Variants in JPH2 observed in about 807,000 individuals in gnomAD.
JPH2 encodes junctophilin-2.
Under a neutral mutation model 55.9 loss-of-function variants are expected in JPH2, and 38 were observed. The observed-to-expected ratio is 0.68, with a 90% CI of 0.52 to 0.89. JPH2 has a LOEUF of 0.89. JPH2 is among the 40% of genes least tolerant of loss of function. The pLI is 0.00. For missense variants in JPH2, 964 were observed against 1,037.6 expected, an observed-to-expected ratio of 0.93 and a Z score of 0.97; for synonymous variants, 480 against 472.4, an observed-to-expected ratio of 1.02 and a Z score of -0.21.
rs1309917340 is a variant in JPH2, at chr20:44,171,305, G to A, written c.380-10898C>T. The stretch of plus-strand genomic sequence containing the variant: ...ATTTAAGCTGGTATAGCCCTTCAGC[G>A]TTGCCCAAAATCAAAGCAAGGGGGC... On this transcript the variant is annotated intron_variant, in intron 1 of 5. Transcript: ENST00000372980. Among the ~76,000 whole-genome samples the A allele has an allele frequency of 1.2e-4, 18 of 152,246 alleles. 1 individual carries two copies. The South Asian group carries it at 2.3e-3, about 19-fold the overall frequency.
intron 2 of JPH2, among the ~76,000 whole-genome samples, chr20:44,121,449 T>A (rs1052173600): frequency 2.6e-5 from 4 of 152,108 alleles, no homozygotes; most frequent in African/African-American, 9.7e-5. Flanking sequence ...CTTTTATCCC[T>A]TACAAACCTC....
chr20:44,171,266 CT>C (rs1458208729), intron 1 of JPH2, among the ~76,000 whole-genome samples: 1 of 152,220 alleles, frequency 6.6e-6, no homozygotes, highest in Non-Finnish European at 1.5e-5. Context: ...GAATATTCAA[CT>C]GATCCCAGGG....
At chr20:44,156,236 G>A (rs1047690582) in intron 2 of JPH2, among the ~76,000 whole-genome samples, 2 of 152,326 alleles carry the variant, frequency 1.3e-5, no homozygotes, top group African/African-American at 2.4e-5. Flanking sequence ...CGTGTGCCAT[G>A]TTGGTCTTGA....
intron 2 of JPH2, among the ~76,000 whole-genome samples, chr20:44,146,427 G>T (rs1224110825): frequency 2.6e-5 from 4 of 152,104 alleles, no homozygotes; most frequent in African/African-American, 7.2e-5. Flanking sequence ...AGTCACAGCT[G>T]CCTCATGTAT....
rs193075270 is a variant in JPH2 at position 44,131,855 on chromosome 20, G to A, written c.1170-13232C>T. On this transcript the variant is annotated intron_variant, in intron 2 of 5. Transcript: ENST00000372980. ...TCCCAAATGACTTCTGGAAACTTTT[G>A]TCCCCAGACCCATCATTCACTTCTT... 2.0e-5 allele frequency among the ~76,000 whole-genome samples: 3 copies of A among 152,182 alleles called. No homozygotes were observed. The East Asian group carries it at 5.8e-4, about 29-fold the overall frequency.
intron 1 of JPH2, among the ~76,000 whole-genome samples, chr20:44,169,495 AG>A (rs1236671109): frequency 1.3e-5 from 2 of 152,178 alleles, no homozygotes; most frequent in Non-Finnish European, 2.9e-5. Context: ...ATTCTTTTAC[AG>A]CAACACAAAA....
rs895787695 is a variant in JPH2 at position 44,107,811 on chromosome 20, A to G, written c.*5707T>C. On this transcript the variant is annotated 3_prime_UTR_variant, in exon 6 of 6. Transcript: ENST00000372980. Reference sequence around the variant, plus strand: ...GAGATACAGGGTTGTGTAGTTAGCAACTGGGCCTTGAGGGAGAGGTCTGAT... The same window carrying G: ...GAGATACAGGGTTGTGTAGTTAGCAGCTGGGCCTTGAGGGAGAGGTCTGAT... Among the ~76,000 whole-genome samples, 3 of 152,208 alleles carry G rather than the reference A, an allele frequency of 2.0e-5. No individual in the cohort carries two copies. Among genetic ancestry groups the G allele is most frequent in the African/African-American group, 7.2e-5 (3 of 41,460 alleles).
rs753220253 is a variant in JPH2 at position 44,186,471 on chromosome 20, G to T, written c.235C>A (p.Arg79Ser). 1 of 1,614,006 alleles carries T rather than the reference G, an allele frequency of 6.2e-7. No homozygotes were observed. The highest frequency in any genetic ancestry group is 8.5e-7 in the Non-Finnish European group (1 of 1,179,980). ...RHGLGIETKG[R>S]WLYKGEWTHG... ...GTCCACTCGCCCTTGTAGAGCCAGCGCCCCTTGGTCTCTATGCCCAGCCCA... is the reference window on the plus strand; with the variant it reads ...GTCCACTCGCCCTTGTAGAGCCAGCTCCCCTTGGTCTCTATGCCCAGCCCA... The change falls in exon 1 of 6, where the codon CGC becomes AGC. Residue 79 changes from arginine to serine, a missense_variant. By Grantham distance (110) the Arg-to-Ser change is moderately radical (BLOSUM62 -1). Transcript: ENST00000372980.
intron 2 of JPH2, among the ~76,000 whole-genome samples, chr20:44,126,139 AGAGG>A (rs745435456): frequency 0.12 from 4,603 of 37,424 alleles, 272 homozygotes; most frequent in East Asian, 0.22. Context: ...AGAAAAAGAG[AGAGG>A]GAGGGAGGGA....
intron 2 of JPH2, among the ~76,000 whole-genome samples, chr20:44,126,928 C>T (rs956302786): frequency 2.6e-5 from 4 of 152,324 alleles, no homozygotes; most frequent in South Asian, 2.1e-4. Flanking sequence ...GATAATCTCA[C>T]AAAATTACTG....
At position 44,159,705 on chromosome 20, in the gene JPH2, T is replaced by A; in HGVS notation, c.1082A>T (p.Lys361Met). The change falls in exon 2 of 6, where the codon AAG (lysine) becomes ATG (methionine). Residue 361 changes from lysine to methionine, a missense_variant. Physicochemically the swap from Lys to Met is moderately conservative, Grantham distance 95. Transcript: ENST00000372980. This position sits in a 1 kb window ranked among gnomAD's most constrained non-coding sequence, Gnocchi z 5.7. ...ACTGTGCTCCACTTTCTGGCGGACC[T>A]TGTTGCTCTTGAGCTGCAGCATGCG... is the stretch of plus-strand genomic sequence containing the variant. ...KRRMLQLKSNKVRQKVEHSVE... is the reference protein window; with the variant it reads ...KRRMLQLKSNMVRQKVEHSVE... 6.2e-7 allele frequency: 1 copy of A among 1,613,328 alleles called. No individual in the cohort carries two copies.
At chr20:44,115,605 C>T (rs964275109) in intron 4 of JPH2, 60 bp downstream of exon 4, 4 of 1,609,852 alleles carry the variant, frequency 2.5e-6, no homozygotes, top group African/African-American at 1.3e-5. Flanking sequence ...TGAATCCTCC[C>T]TCAAGCCCTG....
intron 2 of JPH2, among the ~76,000 whole-genome samples, chr20:44,152,166 G>A (rs2072535930): frequency 6.6e-6 from 1 of 152,240 alleles, no homozygotes; most frequent in African/African-American, 2.4e-5. Flanking sequence ...CACAGGGTAA[G>A]TGCTTCTTAA....
chr20:44,120,475 C>G (rs953933087), intron 2 of JPH2, among the ~76,000 whole-genome samples: 6 of 152,120 alleles, frequency 3.9e-5, no homozygotes, highest in African/African-American at 1.4e-4. Context: ...TGAAGATTAT[C>G]TCATATGCTC....
At chr20:44,176,576 A>C (rs1245804786) in intron 1 of JPH2, among the ~76,000 whole-genome samples, 1 of 152,076 alleles carries the variant, frequency 6.6e-6, no homozygotes, top group Non-Finnish European at 1.5e-5. Context: ...CTGAGGCAGG[A>C]GGATGGCTCG....
intron 1 of JPH2, among the ~76,000 whole-genome samples, chr20:44,175,507 G>A (rs1255516614): frequency 2.0e-5 from 3 of 152,198 alleles, no homozygotes; most frequent in African/African-American, 7.2e-5. Flanking sequence ...TCCAAATGCC[G>A]CTGTCCATCA....
At chr20:44,178,961 T>C (rs2072758140) in intron 1 of JPH2, among the ~76,000 whole-genome samples, 1 of 152,152 alleles carries the variant, frequency 6.6e-6, no homozygotes, top group African/African-American at 2.4e-5. Flanking sequence ...ATCACGTAAC[T>C]CCCGTGTTCA....
In JPH2 at chr20:44,139,223, G is replaced by A. The variant is rs910272455; in HGVS notation, c.1169+20395C>T. ...ACCACAGAGGGGCAGGGACTTGCCC[G>A]GGGTCATTCAGCAAGTCAGTGGCAG... On this transcript the variant is annotated intron_variant, in intron 2 of 5. Transcript: ENST00000372980. Among the ~76,000 whole-genome samples the A allele has an allele frequency of 8.5e-5, 13 of 152,296 alleles. 1 individual carries two copies. The highest frequency in any genetic ancestry group is 3.4e-3 in the Middle Eastern group (1 of 294).
Position 44,186,483 on chromosome 20 carries a change from C to G in JPH2, c.223G>C (p.Glu75Gln). The change falls in exon 1 of 6, where the codon GAG becomes CAG. Residue 75 changes from glutamate (E) to glutamine (Q), a missense_variant. By Grantham distance (29) the Glu-to-Gln change is conservative (BLOSUM62 2). Coordinates refer to ENST00000372980, the MANE Select transcript of JPH2 (RefSeq NM_020433.5). ...TTGTAGAGCCAGCGCCCCTTGGTCT[C>G]TATGCCCAGCCCATGCCGTTTGCCC... Reference protein sequence around the residue: ...SQGKRHGLGIETKGRWLYKGE... With the variant: ...SQGKRHGLGIQTKGRWLYKGE... 3 of 1,614,186 alleles carry G rather than the reference C, an allele frequency of 1.9e-6. No homozygotes were observed. The highest frequency in any genetic ancestry group is 2.5e-6 in the Non-Finnish European group (3 of 1,180,036).
Sources: gnomAD v4.1 joint callset for allele counts (sites outside exome capture counted in the v4.1 genomes callset) on GRCh38, gnomAD v4.1.1 for gene constraint, Gnocchi (gnomAD v3.1) non-coding constraint, MANE v1.5 for transcripts, NCBI Gene and HGNC (gene_info 2026-07-23, HGNC 2026-07-21) for gene names.